SYT12: variants seen among roughly 807,000 people sequenced by gnomAD.
SYT12 encodes the protein synaptotagmin 12.
A neutral mutation model predicts 39.5 loss-of-function variants in SYT12; 27 were observed. The ratio of observed to expected loss-of-function variants is 0.68; its 90% CI spans 0.50 to 0.94. The LOEUF is 0.94. SYT12 is among the 40% of genes least tolerant of loss of function. The pLI is 0.00. For missense variants in SYT12, 536 were observed against 572.6 expected, an observed-to-expected ratio of 0.94 and a Z score of 0.65; for synonymous variants, 233 against 239.7, an observed-to-expected ratio of 0.97 and a Z score of 0.26.
At chr11:67,037,958 G>C (rs896516346) in intron 3 of SYT12, among the ~76,000 whole-genome samples, 13 of 150,712 alleles carry the variant, frequency 8.6e-5, no homozygotes, top group Non-Finnish European at 1.3e-4. Flanking sequence ...GGGAGAGTGA[G>C]GGGGGAGGAT....
At chr11:67,011,863 T>G (rs984151783) in intron 3 of SYT12, among the ~76,000 whole-genome samples, 3 of 151,774 alleles carry the variant, frequency 2.0e-5, no homozygotes, top group Non-Finnish European at 4.4e-5. Flanking sequence ...CCTCCCGGGT[T>G]CAAGCAATTC....
At chr11:67,046,670 AG>A (rs747098977) in intron 7 of SYT12, among the ~76,000 whole-genome samples, 13 of 152,210 alleles carry the variant, frequency 8.5e-5, no homozygotes, top group Non-Finnish European at 1.5e-4. Flanking sequence ...CTCGTGGAGC[AG>A]GCTGCCCATG....
chr11:67,029,436 G>T (rs1950227368), intron 1 of SYT12: 1 of 152,226 alleles, frequency 6.6e-6, no homozygotes, highest in Admixed American at 6.5e-5. Flanking sequence ...ATGAGCTGGG[G>T]TTGCCAGATT....
At position 67,049,235 on chromosome 11, in the gene SYT12, CTT is replaced by C. The variant is rs1319396780; in HGVS notation, c.*480_*481del. 6.4e-6 allele frequency: 1 copy of C among 155,286 alleles called. No individual in the cohort carries two copies. Among genetic ancestry groups the C allele is most frequent in the Non-Finnish European group, 1.4e-5 (1 of 69,992 alleles). The allele number at this position is 155,286 out of a possible 1,614,324, so 9.6% of individuals were successfully genotyped here. ...AGGGCTAGGGAAACAGGAAGGGCCT[CTT>C]TGACAAGGTAGGAGCTGTGCTTGGA... On this transcript the variant is annotated 3_prime_UTR_variant, in exon 8 of 8. Transcript: ENST00000527043.
intron 3 of SYT12, among the ~76,000 whole-genome samples, chr11:67,036,941 C>T (rs192367134): frequency 2.6e-5 from 4 of 152,252 alleles, no homozygotes; most frequent in Admixed American, 1.3e-4. Context: ...AGTGTGGTGG[C>T]GCATGCCTGT....
At chr11:67,039,712 A>G in intron 3 of SYT12, 99 bp from the exon 4 acceptor site, 1 of 1,414,762 alleles carries the variant, frequency 7.1e-7, no homozygotes, top group Non-Finnish European at 9.4e-7. Context: ...GAACTTGGAG[A>G]TTCGAGAATG....
At chr11:67,043,429 G>A (rs1000099727) in intron 4 of SYT12, among the ~76,000 whole-genome samples, 13 of 152,280 alleles carry the variant, frequency 8.5e-5, no homozygotes, top group South Asian at 6.2e-4. Flanking sequence ...AGCTTAAAAC[G>A]CCAGGCCACT....
At chr11:67,044,805 G>A in intron 6 of SYT12, 92 bp downstream of exon 6, 2 of 1,559,588 alleles carry the variant, frequency 1.3e-6, no homozygotes, top group South Asian at 2.4e-5. Flanking sequence ...GGCATCGGCA[G>A]GTGTGGGACA....
intron 1 of SYT12, among the ~76,000 whole-genome samples, chr11:67,024,491 T>C (rs1950155031): frequency 6.6e-6 from 1 of 152,208 alleles, no homozygotes; most frequent in South Asian, 2.1e-4. Flanking sequence ...TTGTCAGCTC[T>C]GGTGACTGAC....
At chr11:67,009,727 A>G (rs1243630872) in intron 1 of SYT12, among the ~76,000 whole-genome samples, 2 of 152,168 alleles carry the variant, frequency 1.3e-5, no homozygotes, top group Non-Finnish European at 2.9e-5. Context: ...AAATAATTCC[A>G]GGACAGACAC....
intron 2 of SYT12, chr11:67,031,382 G>A (rs1950264264): frequency 6.6e-6 from 1 of 152,322 alleles, no homozygotes; most frequent in South Asian, 2.1e-4. Flanking sequence ...TGGGGTTATA[G>A]GTGCAGATCT....
chr11:67,045,507 G>A (rs1044866652), intron 6 of SYT12: 25 of 564,616 alleles, frequency 4.4e-5, no homozygotes, highest in South Asian at 8.2e-5. Context: ...AGGGGAGCGC[G>A]TGGGCTGTGA....
At chr11:67,043,414 G>A (rs1010587126) in intron 4 of SYT12, among the ~76,000 whole-genome samples, 1 of 152,244 alleles carries the variant, frequency 6.6e-6, no homozygotes, top group Non-Finnish European at 1.5e-5. Context: ...GGATCAGATT[G>A]TGGGAGCTTA....
At position 67,040,071 on chromosome 11, in the gene SYT12, C is replaced by T. The variant is rs867595933; in HGVS notation, c.489C>T (p.Asp163=). ...AGGTGGAGGTGAGCATGGAGTACGA[C>T]ACTGCCTCCCACACGCTGAACGTGG... ...LGQVEVSMEY[D]TASHTLNVAV... Residue 163 remains aspartate, a synonymous_variant, in exon 4 of 8, where the codon GAC becomes GAT. Coordinates refer to ENST00000527043, the MANE Select transcript of SYT12 (RefSeq NM_177963.4). 2 of 1,613,974 alleles carry T rather than the reference C, an allele frequency of 1.2e-6. No individual in the cohort carries two copies. Among genetic ancestry groups the T allele is most frequent in the East Asian group, 2.2e-5 (1 of 44,884 alleles).
At chr11:67,024,427 C>T (rs913064797) in intron 1 of SYT12, among the ~76,000 whole-genome samples, 2 of 152,208 alleles carry the variant, frequency 1.3e-5, no homozygotes, top group Non-Finnish European at 2.9e-5. Flanking sequence ...CTTTCCTAAG[C>T]AGCTCTGCAG....
intron 7 of SYT12, among the ~76,000 whole-genome samples, chr11:67,048,213 G>C (rs958631150): frequency 6.6e-6 from 1 of 150,906 alleles, no homozygotes; most frequent in African/African-American, 2.4e-5. Context: ...GGAGGTTGCA[G>C]TGAGCTGAGA....
chr11:67,016,932 G>T (rs986230912), intron 3 of SYT12, among the ~76,000 whole-genome samples: 8 of 152,224 alleles, frequency 5.3e-5, no homozygotes, highest in Admixed American at 1.3e-4. Context: ...ACATGAGGTC[G>T]TAAATAAGAA....
rs369303812 is a variant in SYT12 at position 67,044,590 on chromosome 11, C to A, written c.838-3C>A. 1.2e-6 allele frequency: 2 copies of A among 1,612,074 alleles called. No homozygotes were observed. The highest frequency in any genetic ancestry group is 2.2e-5 in the East Asian group (1 of 44,870). ...CCCTCTGAGCCACCTGTCTGTCCCC[C>A]AGGCCGCCGATGCTGTGGGGGAGAT... On this transcript the variant is annotated splice_region_variant and splice_polypyrimidine_tract_variant and intron_variant, in intron 5 of 7. Coordinates refer to ENST00000527043, the MANE Select transcript of SYT12 (RefSeq NM_177963.4).
At chr11:67,020,162 G>T (rs999283297), upstream of SYT12, among the ~76,000 whole-genome samples, 2 of 152,144 alleles carry the variant, frequency 1.3e-5, no homozygotes, top group African/African-American at 2.4e-5. Flanking sequence ...CTCGGAGGAG[G>T]TGACTTCTGT....
Sources: allele counts gnomAD v4.1 joint callset (sites outside exome capture counted in the v4.1 genomes callset), GRCh38; gene constraint gnomAD v4.1.1; transcripts MANE v1.5; gene names NCBI Gene and HGNC (gene_info 2026-07-23, HGNC 2026-07-21).